The following GLRX3 variants were observed in gnomAD, a reference collection of about 807,000 sequenced individuals.
GLRX3 encodes glutaredoxin-3.
In GLRX3, 22 loss-of-function variants were observed where a neutral mutation model predicts 49.5. The ratio of observed to expected loss-of-function variants is 0.44; its 90% CI spans 0.32 to 0.63. The LOEUF is 0.63. Ranked by LOEUF, GLRX3 falls within the 30% of genes least tolerant of loss-of-function variation. GLRX3 has a pLI of 0.05. For missense variants in GLRX3, 385 were observed against 396.3 expected (o/e 0.97, Z 0.24); for synonymous variants, 133 against 140.0 (o/e 0.95, Z 0.35).
intron 2 of GLRX3, among the ~76,000 whole-genome samples, chr10:130,146,161 T>C (rs1042103427): frequency 5.9e-5 from 9 of 152,212 alleles, no homozygotes; most frequent in Non-Finnish European, 1.0e-4. Flanking sequence ...GGCTGTGGGC[T>C]GGAGTTTTGG....
intron 2 of GLRX3, among the ~76,000 whole-genome samples, chr10:130,159,510 T>C (rs974156532): frequency 1.3e-4 from 20 of 152,242 alleles, no homozygotes; most frequent in African/African-American, 4.8e-4. Context: ...CAATAGTTTA[T>C]TGAAGAAATA....
chr10:130,172,501 A>AT (rs1862831931), intron 8 of GLRX3, among the ~76,000 whole-genome samples: 1 of 152,168 alleles, frequency 6.6e-6, no homozygotes. Flanking sequence ...ATTTTTGTTT[A>AT]TTTCTCATTT....
intron 1 of GLRX3, among the ~76,000 whole-genome samples, 178 bp from the exon 2 acceptor site, chr10:130,145,033 A>G (rs535386768): frequency 1.6e-4 from 24 of 152,374 alleles, no homozygotes; most frequent in East Asian, 3.9e-4. Flanking sequence ...AAGAGTCTCA[A>G]GACCTTGCAG....
At chr10:130,154,222 C>T (rs568564946) in intron 2 of GLRX3, among the ~76,000 whole-genome samples, 5 of 152,198 alleles carry the variant, frequency 3.3e-5, no homozygotes, top group Admixed American at 2.0e-4. Context: ...TGTACCATTC[C>T]TTCAGGTACA....
chr10:130,150,230 A>C (rs1862347496), intron 2 of GLRX3, among the ~76,000 whole-genome samples: 2 of 142,534 alleles, frequency 1.4e-5, no homozygotes, highest in East Asian at 2.1e-4. Context: ...ACAGAGCAAG[A>C]CTCCATCTCA....
At chr10:130,159,910 G>A in intron 2 of GLRX3, 85 bp from the exon 3 acceptor site, 1 of 1,245,058 alleles carries the variant, frequency 8.0e-7, no homozygotes, top group Non-Finnish European at 1.2e-6. Flanking sequence ...TACTTGAAGG[G>A]ATAATGCATG....
chr10:130,177,907 C>T (rs2134934269), intron 10 of GLRX3, among the ~76,000 whole-genome samples: 1 of 152,266 alleles, frequency 6.6e-6, no homozygotes, highest in Middle Eastern at 3.4e-3. Flanking sequence ...CTAAATGTTT[C>T]TTTAAACCAG....
chr10:130,137,330 G>C (rs1423592244), intron 1 of GLRX3, among the ~76,000 whole-genome samples: 1 of 152,226 alleles, frequency 6.6e-6, no homozygotes, highest in Non-Finnish European at 1.5e-5. Context: ...ACGAGTAAAT[G>C]CTTACTAGCG....
rs1024130660 is a variant in GLRX3, at chr10:130,150,967, G to A, written c.201+5648G>A. Reference sequence around the variant, plus strand: ...TTTTGAGACAGAGTCTCACTGTGTCGCCCAGGCTGGAGTGCAATGGCGTGA... The same window carrying A: ...TTTTGAGACAGAGTCTCACTGTGTCACCCAGGCTGGAGTGCAATGGCGTGA... On this transcript the variant is annotated intron_variant, in intron 2 of 10. Transcript: ENST00000331244. 2.0e-5 allele frequency among the ~76,000 whole-genome samples: 3 copies of A among 147,972 alleles called. No individual in the cohort carries two copies. The Admixed American group carries it at 2.1e-4, about 10-fold the overall frequency.
chr10:130,158,397 G>A (rs1862517084), intron 2 of GLRX3, among the ~76,000 whole-genome samples: 1 of 152,162 alleles, frequency 6.6e-6, no homozygotes, highest in South Asian at 2.1e-4. Context: ...GATTTTAAAA[G>A]AAGATAGGAA....
intron 2 of GLRX3, among the ~76,000 whole-genome samples, chr10:130,157,811 G>T (rs140892718): frequency 2.0e-5 from 3 of 152,060 alleles, no homozygotes; most frequent in Non-Finnish European, 4.4e-5. Context: ...GGTCGCCCAT[G>T]AATGATAGCT....
At position 130,145,805 on chromosome 10, in the gene GLRX3, A is replaced by AT. The variant is rs566082139; in HGVS notation, c.201+500dup. Among the ~76,000 whole-genome samples, 128 of 149,286 alleles carry AT rather than the reference A, an allele frequency of 8.6e-4. 2 individuals are homozygous for AT. The South Asian group carries it at 0.021, about 24-fold the overall frequency. ...CTTAAAAATCTTAAAATAATTTTGC[A>AT]TTTTTTTTTTTTTTGAGACAGAGTC... On this transcript the variant is annotated intron_variant, in intron 2 of 10. Coordinates refer to ENST00000331244, the MANE Select transcript of GLRX3 (RefSeq NM_006541.5).
chr10:130,157,493 G>GCCCCCCC (rs1161867057), intron 2 of GLRX3, among the ~76,000 whole-genome samples: 1 of 5,982 alleles, frequency 1.7e-4, no homozygotes, highest in African/African-American at 3.1e-4. Context: ...GGTGGCCGCC[G>GCCCCCCC]CCCCCCCCCC....
intron 1 of GLRX3, among the ~76,000 whole-genome samples, chr10:130,136,896 G>A (rs955359182): frequency 9.9e-5 from 15 of 152,226 alleles, no homozygotes; most frequent in Non-Finnish European, 2.1e-4. Flanking sequence ...ACGGGGCGGC[G>A]CCGAGACCCC....
chr10:130,179,473 T>A lies in GLRX3; in HGVS notation c.*81T>A. The A allele has an allele frequency of 1.3e-6, 1 of 741,700 alleles. No individual in the cohort carries two copies. The allele number at this position is 741,700 out of a possible 1,614,324, so 45.9% of individuals were successfully genotyped here. A position where few individuals can be genotyped will look rare whatever the true frequency, so the allele number is the denominator to read the frequency against. On this transcript the variant is annotated 3_prime_UTR_variant, in exon 11 of 11. Transcript: ENST00000331244. ...CAGTTCATGATTTAGTCCTCAGAAATGGACTAGGAATAGAAAATTCCTGCT... is the reference window on the plus strand; with the variant it reads ...CAGTTCATGATTTAGTCCTCAGAAAAGGACTAGGAATAGAAAATTCCTGCT...
At chr10:130,175,291 T>C (rs958169889) in intron 10 of GLRX3, among the ~76,000 whole-genome samples, 1 of 152,234 alleles carries the variant, frequency 6.6e-6, no homozygotes, top group African/African-American at 2.4e-5. Context: ...CAGCCTGTTC[T>C]TACTTTCACA....
chr10:130,152,789 T>C lies in GLRX3; in HGVS notation c.202-7206T>C, dbSNP rs145358097. Among the ~76,000 whole-genome samples, 1,093 of 152,218 alleles carry C rather than the reference T, an allele frequency of 7.2e-3. 20 individuals carry two copies. The highest frequency in any genetic ancestry group is 0.025 in the African/African-American group (1,027 of 41,512). On this transcript the variant is annotated intron_variant, in intron 2 of 10. Transcript: ENST00000331244. ...TGACAGTTATATGTCTTGGGGTCGCTCTTCTTGAGGAGTATATTTGTGGTG... is the reference window on the plus strand; with the variant it reads ...TGACAGTTATATGTCTTGGGGTCGCCCTTCTTGAGGAGTATATTTGTGGTG...
chr10:130,143,411 C>T (rs1862211103), intron 1 of GLRX3, among the ~76,000 whole-genome samples: 1 of 152,116 alleles, frequency 6.6e-6, no homozygotes, highest in African/African-American at 2.4e-5. Flanking sequence ...TTCCATAAAA[C>T]TGAAGGATTT....
intron 1 of GLRX3, among the ~76,000 whole-genome samples, chr10:130,140,145 A>T (rs568646466): frequency 6.6e-6 from 1 of 152,216 alleles, no homozygotes; most frequent in Non-Finnish European, 1.5e-5. Context: ...CAGGTTTAGT[A>T]TATGATATGT....
Sources: allele counts gnomAD v4.1 joint callset (sites outside exome capture counted in the v4.1 genomes callset), GRCh38; gene constraint gnomAD v4.1.1; transcripts MANE v1.5; gene names NCBI Gene and HGNC (gene_info 2026-07-23, HGNC 2026-07-21).